Variants in PERP observed in about 807,000 individuals in gnomAD.
The protein encoded by PERP is p53 apoptosis effector related to PMP-22.
A neutral mutation model predicts 20.3 loss-of-function variants in PERP; 11 were observed. The ratio of observed to expected loss-of-function variants is 0.54; its 90% CI spans 0.34 to 0.90. The LOEUF (loss-of-function observed/expected upper bound fraction) is 0.90, where lower values mean the gene tolerates loss of function less well. PERP is among the 40% of genes least tolerant of loss of function. The probability of loss-of-function intolerance (pLI) is 0.02; values close to 1 mark genes in which losing one functional copy is unlikely to be tolerated. For missense variants in PERP, 224 were observed against 249.4 expected (o/e 0.90, Z 0.69); for synonymous variants, 101 against 102.0 (o/e 0.99, Z 0.06).
intron 1 of PERP, among the ~76,000 whole-genome samples, chr6:138,106,284 C>A (rs1234300476): frequency 6.6e-6 from 1 of 152,138 alleles, no homozygotes; most frequent in Non-Finnish European, 1.5e-5. Context: ...TCCCATCCAC[C>A]CCCAGGAAAG....
intron 1 of PERP, among the ~76,000 whole-genome samples, chr6:138,105,679 C>T (rs1181633408): frequency 6.6e-6 from 1 of 152,212 alleles, no homozygotes; most frequent in African/African-American, 2.4e-5. Flanking sequence ...TTTGGGTCTG[C>T]ATTAGTCTTT....
In PERP at chr6:138,107,224, G is replaced by T. The variant is rs777172384; in HGVS notation, c.117C>A (p.Ser39Arg). 2 of 1,612,364 alleles carry T rather than the reference G, an allele frequency of 1.2e-6. No individual in the cohort carries two copies. The highest frequency in any genetic ancestry group is 1.7e-6 in the Non-Finnish European group (2 of 1,179,710). The change falls in exon 1 of 3, where the codon AGC becomes AGA. Residue 39 changes from serine to arginine, a missense_variant. Physicochemically the swap from Ser to Arg is moderately radical, Grantham distance 110 (BLOSUM62 -1). Transcript: ENST00000421351. The surrounding 1 kb of genome is among the most constrained non-coding windows in gnomAD (Gnocchi z 4.8). ...ALAGRGWLQS[S>R]DHGQTSSLWW... ...ACAGCGAGGACGTCTGGCCGTGGTC[G>T]CTAGACTGCAACCAGCCGCGGCCGG...
At chr6:138,097,197 A>G (rs1046129398) in intron 1 of PERP, among the ~76,000 whole-genome samples, 1 of 152,246 alleles carries the variant, frequency 6.6e-6, no homozygotes, top group African/African-American at 2.4e-5. Flanking sequence ...CTAAAAAAGA[A>G]TCAGGATTTG....
rs1446859975 is a variant in PERP at position 138,090,082 on chromosome 6, T to C, written c.*1960A>G. 6.6e-6 allele frequency: 1 copy of C among 152,202 alleles called. No homozygotes were observed. Among genetic ancestry groups the C allele is most frequent in the East Asian group, 1.9e-4 (1 of 5,202 alleles). The allele number at this position is 152,202 out of a possible 1,614,324, so 9.4% of individuals were successfully genotyped here. ...TAAAAGATGGGATTTTTAACATTTT[T>C]AATGACCACTTCAAATTCTCCACCA... is the stretch of plus-strand genomic sequence containing the variant. On this transcript the variant is annotated 3_prime_UTR_variant, in exon 3 of 3. Transcript: ENST00000421351.
chr6:138,100,821 T>C (rs944182525), intron 1 of PERP, among the ~76,000 whole-genome samples: 1 of 152,228 alleles, frequency 6.6e-6, no homozygotes, highest in African/African-American at 2.4e-5. Context: ...ATTTAAGTGA[T>C]ATTCATTAGA....
chr6:138,106,903 C>CTTTTTTTTTTTTTTTTTTTTTTT (rs577977770), intron 1 of PERP, among the ~76,000 whole-genome samples: 9 of 134,446 alleles, frequency 6.7e-5, no homozygotes, highest in Admixed American at 1.5e-4. Context: ...GAACTACGGC[C>CTTTTTTTTTTTTTTTTTTTTTTT]TTTTTTTTTT....
At chr6:138,097,405 A>G (rs1775710001) in intron 1 of PERP, among the ~76,000 whole-genome samples, 1 of 152,196 alleles carries the variant, frequency 6.6e-6, no homozygotes, top group African/African-American at 2.4e-5. Context: ...ACCTAATAAC[A>G]TTCAGGACAT....
Position 138,091,461 on chromosome 6 carries a change from A to G in PERP, c.*581T>C, listed in dbSNP as rs1251892751. ...TTCCTAGATGACATATCGAGTCAAC[A>G]TGAAGCCTTAGCTAAAATGAATGAT... is the stretch of plus-strand genomic sequence containing the variant. On this transcript the variant is annotated 3_prime_UTR_variant, in exon 3 of 3. Coordinates refer to ENST00000421351, the MANE Select transcript of PERP (RefSeq NM_022121.5). 1 of 152,384 alleles carries G rather than the reference A, an allele frequency of 6.6e-6. No individual in the cohort carries two copies. The highest frequency in any genetic ancestry group is 1.5e-5 in the Non-Finnish European group (1 of 68,166). 9.4% of individuals were successfully genotyped at this position (152,384 alleles called of 1,614,324 possible). A position where few individuals can be genotyped will look rare whatever the true frequency, so the allele number is the denominator to read the frequency against.
intron 1 of PERP, among the ~76,000 whole-genome samples, chr6:138,102,035 A>C (rs1385031154): frequency 1.3e-5 from 2 of 152,144 alleles, no homozygotes; most frequent in Non-Finnish European, 2.9e-5. Flanking sequence ...AGTCCCCCCC[A>C]AAAAATACAT....
chr6:138,096,481 T>G lies in PERP; in HGVS notation c.228A>C (p.Ala76=). Residue 76 remains alanine (A), a synonymous_variant, in exon 2 of 3, where the codon GCA becomes GCC. Transcript: ENST00000421351. The stretch of plus-strand genomic sequence containing the variant: ...AGCCACAGAAGAGCATGGCAGCCGC[T>G]GCTCTACCCCACGCTGCAAGAAAAA... ...QSLMEYAWGR[A]AAAMLFCGFI... 4 of 1,613,086 alleles carry G rather than the reference T, an allele frequency of 2.5e-6. No homozygotes were observed. The highest frequency in any genetic ancestry group is 3.4e-6 in the Non-Finnish European group (4 of 1,179,588).
chr6:138,100,170 C>T (rs2114339564), intron 1 of PERP, among the ~76,000 whole-genome samples: 1 of 152,262 alleles, frequency 6.6e-6, no homozygotes, highest in Middle Eastern at 3.4e-3. Flanking sequence ...CCTCCCAGCC[C>T]ACCGTTCTGT....
At chr6:138,095,638 G>A (rs1379660610) in intron 2 of PERP, among the ~76,000 whole-genome samples, 2 of 152,170 alleles carry the variant, frequency 1.3e-5, no homozygotes, top group African/African-American at 4.8e-5. Flanking sequence ...AGAAAGTCCA[G>A]TTTTACTTCT....
At chr6:138,106,646 G>T (rs1374531062) in intron 1 of PERP, among the ~76,000 whole-genome samples, 1 of 152,190 alleles carries the variant, frequency 6.6e-6, no homozygotes, top group African/African-American at 2.4e-5. Flanking sequence ...CTGCCTGAAA[G>T]GGCTTTTTTA....
intron 2 of PERP, 23 bp from the exon 3 acceptor site, chr6:138,092,291 A>G (rs941523681): frequency 1.9e-6 from 3 of 1,583,562 alleles, no homozygotes; most frequent in Middle Eastern, 3.3e-4. Context: ...AAAAAATCCC[A>G]GGGTATGAAT....
chr6:138,105,991 T>C (rs1279878294), intron 1 of PERP, among the ~76,000 whole-genome samples: 1 of 152,020 alleles, frequency 6.6e-6, no homozygotes, highest in African/African-American at 2.4e-5. Context: ...GGAAGTGACG[T>C]CCAAAGGATT....
intron 1 of PERP, 91 bp from the exon 2 acceptor site, chr6:138,096,585 T>A: frequency 7.2e-7 from 1 of 1,393,200 alleles, no homozygotes; most frequent in East Asian, 2.5e-5. Flanking sequence ...TTGGGCTTTT[T>A]TTCCCTACTA....
rs648802 is a variant in PERP, at chr6:138,092,196, G to T, written c.428C>A (p.Pro143His). 4.3e-6 allele frequency: 7 copies of T among 1,613,780 alleles called. No individual in the cohort carries two copies. In the East Asian group the frequency reaches 6.7e-5, roughly 15 times the overall value. Reference sequence around the variant, plus strand: ...CCAGTTATAGATGTAAGTGACAGCAGGGTTGGCATGAAGGGTGAAGGTCTG... The same window carrying T: ...CCAGTTATAGATGTAAGTGACAGCATGGTTGGCATGAAGGGTGAAGGTCTG... ...YTQTFTLHANPAVTYIYNWAY... is the reference protein window; with the variant it reads ...YTQTFTLHANHAVTYIYNWAY... The change falls in exon 3 of 3, where the codon CCT becomes CAT. Residue 143 changes from proline to histidine, a missense_variant. Physicochemically the swap from Pro to His is moderately conservative, Grantham distance 77. Coordinates refer to ENST00000421351, the MANE Select transcript of PERP (RefSeq NM_022121.5).
Position 138,091,283 on chromosome 6 carries a change from T to C in PERP, c.*759A>G, listed in dbSNP as rs1459118119. On this transcript the variant is annotated 3_prime_UTR_variant, in exon 3 of 3. Transcript: ENST00000421351. ...CCAGTCTACTCTGGTTCTGAACATA[T>C]AAACACAAAACACTACAGATTTATT... 1 of 152,196 alleles carries C rather than the reference T, an allele frequency of 6.6e-6. No homozygotes were observed. The highest frequency in any genetic ancestry group is 1.5e-5 in the Non-Finnish European group (1 of 68,030). 9.4% of individuals were successfully genotyped at this position (152,196 alleles called of 1,614,324 possible). A position where few individuals can be genotyped will look rare whatever the true frequency, so the allele number is the denominator to read the frequency against.
At chr6:138,105,235 C>A (rs894997244) in intron 1 of PERP, among the ~76,000 whole-genome samples, 8 of 152,190 alleles carry the variant, frequency 5.3e-5, no homozygotes, top group Admixed American at 4.6e-4. Context: ...ATCAGTCATG[C>A]TGCATCATAA....
Sources: gnomAD v4.1 joint callset for allele counts (sites outside exome capture counted in the v4.1 genomes callset) on GRCh38, gnomAD v4.1.1 for gene constraint, Gnocchi (gnomAD v3.1) non-coding constraint, MANE v1.5 for transcripts, NCBI Gene and HGNC (gene_info 2026-07-23, HGNC 2026-07-21) for gene names.